NCS1: variants seen among roughly 807,000 people sequenced by gnomAD.
The protein encoded by NCS1 is neuronal calcium sensor 1, also known as frequenin homolog.
In NCS1, 6 loss-of-function variants were observed where a neutral mutation model predicts 28.4. The observed-to-expected ratio is 0.21, with a 90% CI of 0.12 to 0.42. The LOEUF (loss-of-function observed/expected upper bound fraction) is 0.42, where lower values mean the gene tolerates loss of function less well. Ranked by LOEUF, NCS1 falls within the 10% of genes least tolerant of loss-of-function variation. The probability of loss-of-function intolerance (pLI) is 1.00; values close to 1 mark genes in which losing one functional copy is unlikely to be tolerated. For missense variants in NCS1, 131 were observed against 241.4 expected (o/e 0.54, Z 3.03); for synonymous variants, 86 against 99.3 (o/e 0.87, Z 0.79).
chr9:130,227,074 G>A (rs1554911504), intron 7 of NCS1, among the ~76,000 whole-genome samples: 2 of 151,330 alleles, frequency 1.3e-5, no homozygotes, highest in African/African-American at 2.4e-5. Context: ...GAATTGTCCT[G>A]GGTGGAAGAC....
intron 2 of NCS1, among the ~76,000 whole-genome samples, chr9:130,208,333 G>A (rs1307283765): frequency 6.6e-6 from 1 of 151,976 alleles, no homozygotes; most frequent in East Asian, 1.9e-4. Context: ...AGGCTGGAGT[G>A]CAGTGGTACA....
chr9:130,234,362 T>C lies in NCS1; in HGVS notation c.*1390T>C, dbSNP rs1311549853. On this transcript the variant is annotated 3_prime_UTR_variant, in exon 8 of 8. Transcript: ENST00000372398. The surrounding 1 kb of genome is among the most constrained non-coding windows in gnomAD (Gnocchi z 6.1). ...CGGCCCACATGTCTTCACGGAGGCT[T>C]CCAGCGGTGCCTGCCACTGAGGCAG... 2 of 152,314 alleles carry C rather than the reference T, an allele frequency of 1.3e-5. No homozygotes were observed. The highest frequency in any genetic ancestry group is 2.9e-5 in the Non-Finnish European group (2 of 68,142). The allele number at this position is 152,314 out of a possible 1,614,324, so 9.4% of individuals were successfully genotyped here. A position where few individuals can be genotyped will look rare whatever the true frequency, so the allele number is the denominator to read the frequency against.
In NCS1 at chr9:130,218,147, T is replaced by C. The variant is rs186333050; in HGVS notation, c.228+177T>C. Among the ~76,000 whole-genome samples, 129 of 152,284 alleles carry C rather than the reference T, an allele frequency of 8.5e-4. 1 individual carries two copies. Among genetic ancestry groups the C allele is most frequent in the Middle Eastern group, 6.8e-3 (2 of 294 alleles). The stretch of plus-strand genomic sequence containing the variant: ...ACATAAATGCATGCACATGTACACA[T>C]GCAGACACACAATAAACACAGATGC... On this transcript the variant is annotated intron_variant, in intron 3 of 7. Transcript: ENST00000372398.
intron 4 of NCS1, among the ~76,000 whole-genome samples, chr9:130,221,990 TA>T (rs1367085075): frequency 1.4e-5 from 1 of 71,546 alleles, no homozygotes; most frequent in African/African-American, 4.5e-5. Flanking sequence ...TATATATACA[TA>T]AATATAAATT....
intron 1 of NCS1, among the ~76,000 whole-genome samples, chr9:130,196,661 C>T (rs1379216381): frequency 4.6e-5 from 7 of 152,272 alleles, no homozygotes; most frequent in African/African-American, 1.7e-4. Flanking sequence ...ATTGCTTGAA[C>T]CCTGGAGGCG....
rs1451669454 is a variant in NCS1, at chr9:130,172,641, G to C, written c.-23G>C. On this transcript the variant is annotated 5_prime_UTR_variant, in exon 1 of 8. Coordinates refer to ENST00000372398, the MANE Select transcript of NCS1 (RefSeq NM_014286.4). The stretch of plus-strand genomic sequence containing the variant: ...GCCCCAACCGGGTCCGGCCCGGGGG[G>C]GCGGGGGCCGCGGCCGCCGAGGATG... The C allele has an allele frequency of 4.2e-6, 6 of 1,432,368 alleles. No homozygotes were observed. The highest frequency in any genetic ancestry group is 5.6e-6 in the Non-Finnish European group (6 of 1,077,252). The allele number at this position is 1,432,368 out of a possible 1,614,324, so 88.7% of individuals were successfully genotyped here.
In NCS1 at chr9:130,226,774, C is replaced by A. The variant is rs543721960; in HGVS notation, c.*17+270C>A. On this transcript the variant is annotated intron_variant, in intron 7 of 7. Coordinates refer to ENST00000372398, the MANE Select transcript of NCS1 (RefSeq NM_014286.4). This position sits in a 1 kb window ranked among gnomAD's most constrained non-coding sequence, Gnocchi z 4.8. ...GGGCGCGGTGGCTCACGCCTGTAAT[C>A]CCAGCACTTTGGGAAGCTGAAGCAG... 1.6e-4 allele frequency among the ~76,000 whole-genome samples: 24 copies of A among 152,168 alleles called. No homozygotes were observed. The South Asian group carries it at 5.0e-3, about 32-fold the overall frequency.
rs1832833765 is a variant in NCS1, at chr9:130,192,773, T to C, written c.65-8185T>C. Reference sequence around the variant, plus strand: ...GGGAGTGATCTGAGGCCTTGTGTGCTTGGGGCACCTGGAGGATTGGAGCAG... The same window carrying C: ...GGGAGTGATCTGAGGCCTTGTGTGCCTGGGGCACCTGGAGGATTGGAGCAG... On this transcript the variant is annotated intron_variant, in intron 1 of 7. Coordinates refer to ENST00000372398, the MANE Select transcript of NCS1 (RefSeq NM_014286.4). This position sits in a 1 kb window ranked among gnomAD's most constrained non-coding sequence, Gnocchi z 4.8. Among the ~76,000 whole-genome samples, 1 of 152,144 alleles carries C rather than the reference T, an allele frequency of 6.6e-6. No individual in the cohort carries two copies. The highest frequency in any genetic ancestry group is 6.5e-5 in the Admixed American group (1 of 15,284).
intron 1 of NCS1, among the ~76,000 whole-genome samples, chr9:130,193,213 C>A (rs556913009): frequency 6.6e-6 from 1 of 152,266 alleles, no homozygotes; most frequent in African/African-American, 2.4e-5. Flanking sequence ...CTCTGAGGTA[C>A]TGCAGGGAGA....
rs908045843 is a variant in NCS1 at position 130,209,394 on chromosome 9, C to T, written c.89+8412C>T. The stretch of plus-strand genomic sequence containing the variant: ...TTTGGGAGACTGAGGCCTGGCAGTG[C>T]GGGGGCTTGCTCAGGCCCTCAGAGA... On this transcript the variant is annotated intron_variant, in intron 2 of 7. Transcript: ENST00000372398. The surrounding 1 kb of genome is among the most constrained non-coding windows in gnomAD (Gnocchi z 4.4). Among the ~76,000 whole-genome samples the T allele has an allele frequency of 2.0e-5, 3 of 152,134 alleles. No homozygotes were observed. The highest frequency in any genetic ancestry group is 4.8e-5 in the African/African-American group (2 of 41,414).
rs1388609218 is a variant in NCS1 at position 130,226,368 on chromosome 9, G to C, written c.475-21G>C. On this transcript the variant is annotated intron_variant, in intron 6 of 7. Transcript: ENST00000372398. This position sits in a 1 kb window ranked among gnomAD's most constrained non-coding sequence, Gnocchi z 4.8. Reference sequence around the variant, plus strand: ...TCTCCTGGGAGGCCCTGCACCCTCAGCCGCCTCTCTCTGCTCACAGAATGC... The same window carrying C: ...TCTCCTGGGAGGCCCTGCACCCTCACCCGCCTCTCTCTGCTCACAGAATGC... 10 of 1,606,976 alleles carry C rather than the reference G, an allele frequency of 6.2e-6. No homozygotes were observed. In the East Asian group the frequency reaches 1.6e-4, roughly 25 times the overall value.
intron 1 of NCS1, among the ~76,000 whole-genome samples, chr9:130,195,893 C>T (rs971809002): frequency 2.4e-4 from 37 of 152,222 alleles, no homozygotes; most frequent in African/African-American, 8.7e-4. Flanking sequence ...GGACTGCCTG[C>T]GTTCCTACCC....
At chr9:130,221,833 AATAT>A (rs1214497282) in intron 4 of NCS1, among the ~76,000 whole-genome samples, 7 of 105,576 alleles carry the variant, frequency 6.6e-5, no homozygotes, top group Admixed American at 1.3e-4. Flanking sequence ...TGTATATATA[AATAT>A]ATATACATAA....
At chr9:130,195,888 G>T (rs1389702295) in intron 1 of NCS1, among the ~76,000 whole-genome samples, 1 of 152,248 alleles carries the variant, frequency 6.6e-6, no homozygotes, top group African/African-American at 2.4e-5. Flanking sequence ...TGCAAGGACT[G>T]CCTGCGTTCC....
intron 1 of NCS1, among the ~76,000 whole-genome samples, chr9:130,176,534 CT>C (rs1832574133): frequency 6.6e-6 from 1 of 152,190 alleles, no homozygotes; most frequent in Non-Finnish European, 1.5e-5. Context: ...ACAGCTTCAT[CT>C]TGAACTGGGC....
At chr9:130,183,348 G>A (rs1832691336) in intron 1 of NCS1, among the ~76,000 whole-genome samples, 1 of 152,194 alleles carries the variant, frequency 6.6e-6, no homozygotes, top group Admixed American at 6.5e-5. Context: ...CAGGGCAGTT[G>A]CTGGCTTTGG....
At chr9:130,205,677 GAA>G (rs797027203) in intron 2 of NCS1, among the ~76,000 whole-genome samples, 8 of 126,454 alleles carry the variant, frequency 6.3e-5, no homozygotes, top group Admixed American at 8.1e-5. Context: ...CTCTACAAAA[GAA>G]AAAAAAAAAA....
rs1373261381 is a variant in NCS1, at chr9:130,191,010, A to G, written c.65-9948A>G. Among the ~76,000 whole-genome samples, 3 of 152,158 alleles carry G rather than the reference A, an allele frequency of 2.0e-5. No homozygotes were observed. The highest frequency in any genetic ancestry group is 7.2e-5 in the African/African-American group (3 of 41,438). On this transcript the variant is annotated intron_variant, in intron 1 of 7. Transcript: ENST00000372398. This position sits in a 1 kb window ranked among gnomAD's most constrained non-coding sequence, Gnocchi z 6.4. Reference sequence around the variant, plus strand: ...GCTTCCCATCTTGGTGTCTGCCCCAAGGCCTGGCCCTCTGACTTTTATTCA... The same window carrying G: ...GCTTCCCATCTTGGTGTCTGCCCCAGGGCCTGGCCCTCTGACTTTTATTCA...
At chr9:130,227,246 C>T (rs1050481905) in intron 7 of NCS1, among the ~76,000 whole-genome samples, 1 of 152,144 alleles carries the variant, frequency 6.6e-6, no homozygotes, top group African/African-American at 2.4e-5. Flanking sequence ...TGTCTCCCTT[C>T]TTTCCTTCTC....
Sources: allele counts gnomAD v4.1 joint callset (sites outside exome capture counted in the v4.1 genomes callset), GRCh38; gene constraint gnomAD v4.1.1; non-coding constraint Gnocchi (gnomAD v3.1); transcripts MANE v1.5; gene names NCBI Gene and HGNC (gene_info 2026-07-23, HGNC 2026-07-21).